SLC49A4: variants seen among roughly 807,000 people sequenced by gnomAD.
SLC49A4 encodes the protein disrupted in renal cancer protein 2.
A neutral mutation model predicts 50.6 loss-of-function variants in SLC49A4; 36 were observed. The observed-to-expected ratio is 0.71, with a 90% CI of 0.55 to 0.94. The LOEUF (loss-of-function observed/expected upper bound fraction) is 0.94. Ranked by LOEUF, SLC49A4 falls within the 40% of genes least tolerant of loss-of-function variation. The pLI is 0.00. For synonymous variants in SLC49A4, 248 were observed against 241.2 expected (o/e 1.03, Z -0.26); for missense variants, 503 against 605.7 (o/e 0.83, Z 1.78).
intron 7 of SLC49A4, among the ~76,000 whole-genome samples, chr3:122,866,898 C>T (rs1937128395): frequency 6.6e-6 from 1 of 152,108 alleles, no homozygotes; most frequent in Non-Finnish European, 1.5e-5. Context: ...CATGGTTAGA[C>T]ATGCTTTTTT....
chr3:122,797,612 G>A (rs958315113), intron 1 of SLC49A4, among the ~76,000 whole-genome samples: 3 of 152,212 alleles, frequency 2.0e-5, no homozygotes, highest in Non-Finnish European at 4.4e-5. Flanking sequence ...GCTAGATGCC[G>A]AAGAAGGGCT....
chr3:122,878,729 GA>G (rs1937296449), intron 8 of SLC49A4, among the ~76,000 whole-genome samples: 1 of 152,038 alleles, frequency 6.6e-6, no homozygotes, highest in South Asian at 2.1e-4. Context: ...AATTATGATT[GA>G]TTTTTTTGTA....
chr3:122,881,116 GAAATAA>G lies in SLC49A4; in HGVS notation c.*1743_*1748del, dbSNP rs1282485420. The G allele has an allele frequency of 6.7e-6, 1 of 150,372 alleles. No homozygotes were observed. Among genetic ancestry groups the G allele is most frequent in the Non-Finnish European group, 1.5e-5 (1 of 67,726 alleles). The allele number at this position is 150,372 out of a possible 1,614,324, so 9.3% of individuals were successfully genotyped here. On this transcript the variant is annotated 3_prime_UTR_variant, in exon 9 of 9. Transcript: ENST00000261038. ...TTCCAGTTAATTCTGTTATTCTTCT[GAAATAA>G]AAATGAAATAAAAGGAAGGCAGAAT... is the stretch of plus-strand genomic sequence containing the variant.
intron 4 of SLC49A4, among the ~76,000 whole-genome samples, chr3:122,836,421 A>C (rs1243723578): frequency 6.6e-6 from 1 of 152,158 alleles, no homozygotes; most frequent in Non-Finnish European, 1.5e-5. Flanking sequence ...GGATTTTTGC[A>C]TCGATGTTCA....
At chr3:122,808,005 A>C (rs1398249314) in intron 2 of SLC49A4, among the ~76,000 whole-genome samples, 1 of 152,198 alleles carries the variant, frequency 6.6e-6, no homozygotes, top group African/African-American at 2.4e-5. Context: ...GGAAAGATAC[A>C]GTGGGACCCC....
intron 2 of SLC49A4, among the ~76,000 whole-genome samples, chr3:122,807,602 T>C (rs1224402065): frequency 6.6e-6 from 1 of 152,222 alleles, no homozygotes; most frequent in African/African-American, 2.4e-5. Flanking sequence ...CCAGTAATAA[T>C]CTGCAATAAA....
chr3:122,797,892 G>C (rs1386944754), intron 1 of SLC49A4, among the ~76,000 whole-genome samples: 1 of 152,106 alleles, frequency 6.6e-6, no homozygotes, highest in Admixed American at 6.5e-5. Context: ...GAGGCTGGAG[G>C]ATCAGTTGAG....
At chr3:122,845,607 G>GTTTTTTT (rs35604258) in intron 4 of SLC49A4, among the ~76,000 whole-genome samples, 156 bp from the exon 5 acceptor site, 1 of 97,438 alleles carries the variant, frequency 1.0e-5, no homozygotes, top group African/African-American at 3.8e-5. Flanking sequence ...TTTCCAGCAC[G>GTTTTTTT]TTTTTTTTTT....
At chr3:122,830,318 C>T (rs1003224159) in intron 3 of SLC49A4, among the ~76,000 whole-genome samples, 11 of 152,100 alleles carry the variant, frequency 7.2e-5, no homozygotes, top group Non-Finnish European at 1.6e-4. Flanking sequence ...CAAGGCGATC[C>T]TGAAATTTAC....
rs545493665 is a variant in SLC49A4 at position 122,861,704 on chromosome 3, C to A, written c.1138+1502C>A. Among the ~76,000 whole-genome samples, 5 of 152,286 alleles carry A rather than the reference C, an allele frequency of 3.3e-5. No homozygotes were observed. In the South Asian group the frequency reaches 1.0e-3, roughly 32 times the overall value. ...TACACATCAGAGGCATCAAATCTTT[C>A]AAGGACAGCCATTTATTTGGGATTT... On this transcript the variant is annotated intron_variant, in intron 7 of 8. Transcript: ENST00000261038.
chr3:122,836,206 G>T (rs563823728), intron 4 of SLC49A4, among the ~76,000 whole-genome samples: 4 of 151,990 alleles, frequency 2.6e-5, no homozygotes, highest in Non-Finnish European at 5.9e-5. Flanking sequence ...TAGCATGAAG[G>T]GTTGTTGAAT....
intron 1 of SLC49A4, among the ~76,000 whole-genome samples, chr3:122,802,753 TG>T (rs1270402998): frequency 1.3e-5 from 2 of 152,040 alleles, no homozygotes; most frequent in African/African-American, 2.4e-5. Flanking sequence ...ATATAATCAA[TG>T]TCTGAGATGA....
At chr3:122,864,598 A>G (rs1341324120) in intron 7 of SLC49A4, among the ~76,000 whole-genome samples, 1 of 152,216 alleles carries the variant, frequency 6.6e-6, no homozygotes, top group South Asian at 2.1e-4. Flanking sequence ...GATATCAGAA[A>G]CATGCTGGAT....
intron 6 of SLC49A4, among the ~76,000 whole-genome samples, chr3:122,857,320 A>G (rs1348152188): frequency 6.6e-6 from 1 of 151,718 alleles, no homozygotes; most frequent in Non-Finnish European, 1.5e-5. Flanking sequence ...AAGAATTAAA[A>G]TGTTACTCTC....
chr3:122,796,222 G>T (rs1322103987), intron 1 of SLC49A4, among the ~76,000 whole-genome samples: 1 of 152,198 alleles, frequency 6.6e-6, no homozygotes. Context: ...ATAGGGCTGA[G>T]AATCAAGGCA....
intron 8 of SLC49A4, among the ~76,000 whole-genome samples, chr3:122,873,661 C>G (rs1263767058): frequency 6.6e-6 from 1 of 152,154 alleles, no homozygotes; most frequent in Non-Finnish European, 1.5e-5. Flanking sequence ...TTTGCTAAAC[C>G]TGATACAAGT....
chr3:122,834,907 A>G (rs1936657848), intron 4 of SLC49A4, among the ~76,000 whole-genome samples: 1 of 152,204 alleles, frequency 6.6e-6, no homozygotes, highest in African/African-American at 2.4e-5. Flanking sequence ...AGATCATTCA[A>G]GACTACTATG....
intron 2 of SLC49A4, among the ~76,000 whole-genome samples, chr3:122,819,079 T>C (rs1936416693): frequency 6.6e-6 from 1 of 151,738 alleles, no homozygotes; most frequent in Non-Finnish European, 1.5e-5. Flanking sequence ...CAAGACCCTG[T>C]CTCTACAAAA....
At chr3:122,866,637 C>T (rs769635087) in intron 7 of SLC49A4, among the ~76,000 whole-genome samples, 10 of 152,160 alleles carry the variant, frequency 6.6e-5, no homozygotes, top group Non-Finnish European at 1.2e-4. Context: ...CTCCCTTTCT[C>T]TTCCACTGAC....
Sources: gnomAD v4.1 joint callset for allele counts (sites outside exome capture counted in the v4.1 genomes callset) on GRCh38, gnomAD v4.1.1 for gene constraint, MANE v1.5 for transcripts, NCBI Gene and HGNC (gene_info 2026-07-23, HGNC 2026-07-21) for gene names.